The following HSD17B12 variants were observed in gnomAD, a reference collection of about 807,000 sequenced individuals.
HSD17B12 encodes very-long-chain 3-oxoacyl-CoA reductase.
In HSD17B12, 32 loss-of-function variants were observed where a neutral mutation model predicts 39.3. The observed-to-expected ratio is 0.81, with a 90% CI of 0.61 to 1.09. HSD17B12 has a LOEUF of 1.09. Ranked by LOEUF, HSD17B12 falls within the 50% of genes least tolerant of loss-of-function variation. The probability of loss-of-function intolerance (pLI) is 0.00; values close to 1 mark genes in which losing one functional copy is unlikely to be tolerated. For synonymous variants in HSD17B12, 150 were observed against 146.7 expected, an observed-to-expected ratio of 1.02 and a Z score of -0.16; for missense variants, 342 against 382.9, an observed-to-expected ratio of 0.89 and a Z score of 0.89.
At chr11:43,572,660 G>A in the HSD17B12 span, among the ~76,000 whole-genome samples, 2 of 152,164 alleles carry the variant, frequency 1.3e-5, no homozygotes, top group African/African-American at 4.8e-5. Context: ...CAAGCCTAAG[G>A]GGTAGGTACC....
rs1565049648 is a variant in HSD17B12 at position 43,690,383 on chromosome 11, TATATATATATATATATATA to T, written c.160+9397_160+9415del. Among the ~76,000 whole-genome samples, 36 of 13,616 alleles carry T rather than the reference TATATATATATATATATATA, an allele frequency of 2.6e-3. 1 individual carries two copies. The highest frequency in any genetic ancestry group is 7.8e-3 in the South Asian group (3 of 384). The allele number at this position is 13,616 out of a possible 152,430, so 8.9% of individuals were successfully genotyped here. ...ATACATATATATATATATATATATA[TATATATATATATATATATA>T]TATTTTTTTTTTTTTTTTTCTGAGA... On this transcript the variant is annotated intron_variant, in intron 1 of 10. Coordinates refer to ENST00000278353, the MANE Select transcript of HSD17B12 (RefSeq NM_016142.3).
chr11:43,728,896 G>A (rs890089668), intron 1 of HSD17B12, among the ~76,000 whole-genome samples: 2 of 152,042 alleles, frequency 1.3e-5, no homozygotes, highest in African/African-American at 4.8e-5. Context: ...GCTATAATGT[G>A]TAATATAGAT....
At chr11:43,652,703 G>A in the HSD17B12 span, among the ~76,000 whole-genome samples, 1 of 152,082 alleles carries the variant, frequency 6.6e-6, no homozygotes, top group Non-Finnish European at 1.5e-5. Context: ...TACATGGGGC[G>A]AGGTATGGAG....
chr11:43,815,159 A>G (rs549810839), intron 4 of HSD17B12, among the ~76,000 whole-genome samples: 1 of 152,288 alleles, frequency 6.6e-6, no homozygotes, highest in East Asian at 1.9e-4. Context: ...GGCAGAATAT[A>G]CATATCCCAA....
chr11:43,847,715 C>CAAAAAAAAAAAAAAAAAAAA (rs749195210), intron 9 of HSD17B12, among the ~76,000 whole-genome samples: 6 of 85,696 alleles, frequency 7.0e-5, no homozygotes, highest in African/African-American at 2.9e-4. Flanking sequence ...CTCTGCCTCA[C>CAAAAAAAAAAAAAAAAAAAA]AAAAAAAAAA....
intron 3 of HSD17B12, among the ~76,000 whole-genome samples, chr11:43,785,411 T>G (rs568299018): frequency 6.6e-6 from 1 of 152,316 alleles, no homozygotes; most frequent in African/African-American, 2.4e-5. Context: ...GTCTTAAGAT[T>G]TTTAACTACA....
At chr11:43,642,057 T>G in the HSD17B12 span, among the ~76,000 whole-genome samples, 3 of 151,774 alleles carry the variant, frequency 2.0e-5, no homozygotes, top group Non-Finnish European at 4.4e-5. Context: ...ACAAAATGTT[T>G]CCTAATTTTA....
At chr11:43,653,610 C>T in the HSD17B12 span, among the ~76,000 whole-genome samples, 1 of 152,036 alleles carries the variant, frequency 6.6e-6, no homozygotes. Context: ...TCCATGTGTT[C>T]TTATTGTTCT....
At chr11:43,732,750 C>T (rs748131496) in intron 1 of HSD17B12, among the ~76,000 whole-genome samples, 63 of 152,084 alleles carry the variant, frequency 4.1e-4, no homozygotes, top group Non-Finnish European at 8.5e-4. Context: ...AGATGTGAGC[C>T]ACTGTGCCCA....
At chr11:43,789,950 C>G (rs1255247399) in intron 3 of HSD17B12, among the ~76,000 whole-genome samples, 1 of 152,154 alleles carries the variant, frequency 6.6e-6, no homozygotes, top group African/African-American at 2.4e-5. Context: ...CTGCCTCCCC[C>G]CCGCAAAAAA....
chr11:43,686,021 C>G (rs2134767466), intron 1 of HSD17B12, among the ~76,000 whole-genome samples: 2 of 152,282 alleles, frequency 1.3e-5, no homozygotes, highest in Middle Eastern at 6.8e-3. Context: ...TACTAAGGTG[C>G]TTAACAAAGC....
intron 8 of HSD17B12, among the ~76,000 whole-genome samples, chr11:43,838,840 G>T (rs12801812): frequency 0.018 from 2,721 of 152,172 alleles, 41 homozygotes; most frequent in Middle Eastern, 0.031. Flanking sequence ...TACATAGCAG[G>T]CACAAGATAG....
At chr11:43,713,419 G>T (rs919010331) in intron 1 of HSD17B12, among the ~76,000 whole-genome samples, 5 of 151,754 alleles carry the variant, frequency 3.3e-5, no homozygotes, top group African/African-American at 1.2e-4. Context: ...GAGAATGATG[G>T]TTTCCAGCTT....
intron 1 of HSD17B12, chr11:43,724,077 T>C (rs1420982007): frequency 6.6e-6 from 1 of 152,162 alleles, no homozygotes; most frequent in Non-Finnish European, 1.5e-5. Context: ...CTCTACTTAT[T>C]GTCTGATATG....
At chr11:43,653,412 T>G in the HSD17B12 span, among the ~76,000 whole-genome samples, 1 of 152,084 alleles carries the variant, frequency 6.6e-6, no homozygotes, top group African/African-American at 2.4e-5. Context: ...TTTCTTATTA[T>G]TATTATACTT....
intron 7 of HSD17B12, chr11:43,838,060 G>T: frequency 4.4e-6 from 2 of 454,676 alleles, no homozygotes; most frequent in Non-Finnish European, 7.9e-6. Flanking sequence ...GGAGACTGGA[G>T]ATCTGATCTG....
In HSD17B12 at chr11:43,693,319, A is replaced by G. The variant is rs374426938; in HGVS notation, c.160+12332A>G. Among the ~76,000 whole-genome samples, 3 of 152,358 alleles carry G rather than the reference A, an allele frequency of 2.0e-5. No individual in the cohort carries two copies. The East Asian group carries it at 5.8e-4, about 29-fold the overall frequency. On this transcript the variant is annotated intron_variant, in intron 1 of 10. Coordinates refer to ENST00000278353, the MANE Select transcript of HSD17B12 (RefSeq NM_016142.3). The stretch of plus-strand genomic sequence containing the variant: ...GAGGAAAAGCAGAGGTGATTTAGTG[A>G]TAGTGATGAGGATGCTGGCAGAACT...
intron 3 of HSD17B12, among the ~76,000 whole-genome samples, chr11:43,796,275 C>T (rs542224165): frequency 2.0e-5 from 3 of 151,812 alleles, no homozygotes; most frequent in South Asian, 4.2e-4. Flanking sequence ...TAGGAAAAGC[C>T]GGGAACGATG....
At chr11:43,632,841 G>A in the HSD17B12 span, among the ~76,000 whole-genome samples, 1 of 152,074 alleles carries the variant, frequency 6.6e-6, no homozygotes, top group Non-Finnish European at 1.5e-5. Flanking sequence ...GTAAGGAAGT[G>A]GCATATAGCT....
Sources: gnomAD v4.1 joint callset for allele counts (sites outside exome capture counted in the v4.1 genomes callset) on GRCh38, gnomAD v4.1.1 for gene constraint, MANE v1.5 for transcripts, NCBI Gene and HGNC (gene_info 2026-07-23, HGNC 2026-07-21) for gene names.